Variants in SEMA5B observed in about 807,000 individuals in gnomAD.
SEMA5B encodes the protein semaphorin-5B.
SEMA5B carries 66 observed loss-of-function variants against 135.0 expected under a neutral mutation model. That is an observed-to-expected ratio of 0.49 (90% confidence interval 0.40 to 0.60). The LOEUF is 0.60. SEMA5B is among the 20% of genes least tolerant of loss of function. The pLI is 0.00. For missense variants in SEMA5B, 1,501 were observed against 1,566.3 expected (o/e 0.96, Z 0.70); for synonymous variants, 690 against 639.5 (o/e 1.08, Z -1.19).
At chr3:122,923,074 CA>C (rs1938448608) in intron 10 of SEMA5B, among the ~76,000 whole-genome samples, 1 of 152,130 alleles carries the variant, frequency 6.6e-6, no homozygotes, top group Non-Finnish European at 1.5e-5. Flanking sequence ...AGCTCCATCC[CA>C]CCCCCTGGGT....
intron 4 of SEMA5B, among the ~76,000 whole-genome samples, chr3:122,942,512 G>T (rs1446496625): frequency 6.6e-6 from 1 of 152,176 alleles, no homozygotes; most frequent in Non-Finnish European, 1.5e-5. Context: ...AGACAGACCT[G>T]CAGAGAAACT....
At chr3:123,017,919 G>GAA (rs111824838) in intron 1 of SEMA5B, among the ~76,000 whole-genome samples, 3 of 118,548 alleles carry the variant, frequency 2.5e-5, no homozygotes, top group African/African-American at 8.5e-5. Context: ...CTCAAAAAAA[G>GAA]AAAAAAAAAA....
chr3:122,912,779 G>T, intron 18 of SEMA5B, 64 bp downstream of exon 18: 1 of 1,438,006 alleles, frequency 7.0e-7, no homozygotes, highest in Non-Finnish European at 9.4e-7. Context: ...GCCTGGGGCG[G>T]GGAAGGGGGC....
intron 2 of SEMA5B, among the ~76,000 whole-genome samples, chr3:122,956,907 G>A (rs1185374696): frequency 2.0e-5 from 3 of 152,184 alleles, no homozygotes; most frequent in South Asian, 2.1e-4. Flanking sequence ...GAGGCCTCAC[G>A]TAGAAGGCGG....
At chr3:122,972,088 G>A (rs963178838) in intron 1 of SEMA5B, among the ~76,000 whole-genome samples, 2 of 152,140 alleles carry the variant, frequency 1.3e-5, no homozygotes, top group African/African-American at 4.8e-5. Context: ...GTTTTGAGGA[G>A]TCCCTCACTG....
chr3:122,955,739 T>A (rs60920808), intron 2 of SEMA5B, among the ~76,000 whole-genome samples: 1 of 152,254 alleles, frequency 6.6e-6, no homozygotes, highest in African/African-American at 2.4e-5. Context: ...GAGAGACTGC[T>A]TTGATACACC....
intron 4 of SEMA5B, among the ~76,000 whole-genome samples, chr3:122,943,174 C>T (rs1939637690): frequency 6.6e-6 from 1 of 152,162 alleles, no homozygotes; most frequent in Admixed American, 6.5e-5. Context: ...AGGTGGCCAG[C>T]AGGCGTCCCT....
At chr3:123,012,977 C>G (rs746940920) in intron 1 of SEMA5B, among the ~76,000 whole-genome samples, 1 of 152,200 alleles carries the variant, frequency 6.6e-6, no homozygotes, top group South Asian at 2.1e-4. Context: ...AGTTGCCTCC[C>G]GCCTCCAACC....
Position 122,927,892 on chromosome 3 carries a change from C to T in SEMA5B, c.748G>A (p.Ala250Thr). Residue 250 changes from alanine to threonine, a missense_variant, in exon 8 of 23, where the codon GCC becomes ACC. Physicochemically the swap from Ala to Thr is moderately conservative, Grantham distance 58. Around this residue, in one of 2 missense-constraint regions of SEMA5B, gnomAD observed 574 missense variants for 684.7 expected, o/e 0.84. Coordinates refer to ENST00000357599, the MANE Select transcript of SEMA5B (RefSeq NM_001031702.4). The stretch of plus-strand genomic sequence containing the variant: ...CGACCTGAGAAGTCGATGACCGTGG[C>T]TGCATAGAGCTCCCCCTGGGAGGAG... ...VISSQGELYAATVIDFSGRDP... is the reference protein window; with the variant it reads ...VISSQGELYATTVIDFSGRDP... 6.3e-7 allele frequency: 1 copy of T among 1,595,780 alleles called. No homozygotes were observed. Among genetic ancestry groups the T allele is most frequent in the Non-Finnish European group, 8.5e-7 (1 of 1,170,522 alleles).
At chr3:122,927,356 T>A (rs1938693913) in intron 8 of SEMA5B, among the ~76,000 whole-genome samples, 1 of 152,108 alleles carries the variant, frequency 6.6e-6, no homozygotes, top group African/African-American at 2.4e-5. Flanking sequence ...CTGGCTGATT[T>A]ATTTTTTATT....
In SEMA5B at chr3:122,922,436, C is replaced by T. The variant is rs1222397276; in HGVS notation, c.1284G>A (p.Leu428=). The T allele has an allele frequency of 7.5e-6, 12 of 1,602,268 alleles. No homozygotes were observed. Among genetic ancestry groups the T allele is most frequent in the African/African-American group, 4.0e-5 (3 of 74,696 alleles). Residue 428 remains leucine (L), a synonymous_variant, in exon 11 of 23, where the codon CTG becomes CTA. Coordinates refer to ENST00000357599, the MANE Select transcript of SEMA5B (RefSeq NM_001031702.4). ...NPIPNFQCGT[L]PETGPNENLT... The stretch of plus-strand genomic sequence containing the variant: ...GGTTCTCGTTGGGACCGGTCTCAGG[C>T]AGGGTGCCACACTGCCGCGGGGAGC...
At chr3:123,016,265 T>C (rs1434458036) in intron 1 of SEMA5B, among the ~76,000 whole-genome samples, 1 of 152,216 alleles carries the variant, frequency 6.6e-6, no homozygotes, top group African/African-American at 2.4e-5. Context: ...GACAGTATTC[T>C]GTAGGAAAGG....
intron 10 of SEMA5B, among the ~76,000 whole-genome samples, 168 bp downstream of exon 10, chr3:122,923,449 T>TA (rs1157462302): frequency 6.6e-6 from 1 of 152,160 alleles, no homozygotes; most frequent in Non-Finnish European, 1.5e-5. Flanking sequence ...CTCACAGTTG[T>TA]AGAGGCTAAT....
At chr3:122,940,644 C>T (rs1324340723) in intron 4 of SEMA5B, among the ~76,000 whole-genome samples, 1 of 152,218 alleles carries the variant, frequency 6.6e-6, no homozygotes, top group East Asian at 1.9e-4. Context: ...AGGGCCCCTG[C>T]TGAAGGAATC....
rs150383372 is a variant in SEMA5B, at chr3:122,910,230, G to A, written c.3369C>T (p.Tyr1123=). 91 of 1,614,210 alleles carry A rather than the reference G, an allele frequency of 5.6e-5. 1 individual carries two copies. In the African/African-American group the frequency reaches 1.1e-3, roughly 19 times the overall value. ...GGGGGCTTGGGTAGTAAGTAGTCGT[G>A]TACACATTGGTCTGCTGCAATGGGT... ...NFYPLQQTNV[Y]TTTYYPSPLN... is the part of the protein sequence containing the mutation. The change falls in exon 23 of 23, where the codon TAC becomes TAT. Residue 1123 remains tyrosine (Y), a synonymous_variant. Transcript: ENST00000357599.
chr3:122,931,932 A>G (rs370696124), intron 5 of SEMA5B, among the ~76,000 whole-genome samples: 2 of 152,230 alleles, frequency 1.3e-5, no homozygotes, highest in African/African-American at 4.8e-5. Context: ...AGAACACCAG[A>G]AAAAATGACT....
rs561264674 is a variant in SEMA5B at position 123,006,267 on chromosome 3, G to A, written c.-39+21197C>T. Among the ~76,000 whole-genome samples, 7 of 152,276 alleles carry A rather than the reference G, an allele frequency of 4.6e-5. No individual in the cohort carries two copies. In the South Asian group the frequency reaches 1.0e-3, roughly 23 times the overall value. ...AATGAGGGGACGACAGAGCAGGATGGGAGTAACTGACAAGTCAGGAGCGTG... is the reference window on the plus strand; with the variant it reads ...AATGAGGGGACGACAGAGCAGGATGAGAGTAACTGACAAGTCAGGAGCGTG... On this transcript the variant is annotated intron_variant, in intron 1 of 22. Coordinates refer to ENST00000357599, the MANE Select transcript of SEMA5B (RefSeq NM_001031702.4).
At chr3:122,934,872 C>CAA (rs71701473) in intron 5 of SEMA5B, among the ~76,000 whole-genome samples, 58,530 of 131,824 alleles carry the variant, frequency 0.44, 12,608 homozygotes, top group East Asian at 0.66. Context: ...AGACCCACCT[C>CAA]AAAAAAAAAA....
chr3:123,010,475 G>A (rs189862290), intron 1 of SEMA5B, among the ~76,000 whole-genome samples: 1 of 152,258 alleles, frequency 6.6e-6, no homozygotes, highest in East Asian at 1.9e-4. Context: ...AGAAGTAAAT[G>A]AGGATGCAGA....
Sources: gnomAD v4.1 joint callset for allele counts (sites outside exome capture counted in the v4.1 genomes callset) on GRCh38, gnomAD v4.1.1 for gene constraint, gnomAD v4.1.1 regional missense constraint, MANE v1.5 for transcripts, NCBI Gene and HGNC (gene_info 2026-07-23, HGNC 2026-07-21) for gene names.